TNIP1: variants seen among roughly 807,000 people sequenced by gnomAD.
The protein encoded by TNIP1 is TNFAIP3-interacting protein 1.
TNIP1 carries 22 observed loss-of-function variants against 86.6 expected under a neutral mutation model. That is an observed-to-expected ratio of 0.25 (90% CI 0.18 to 0.36). The LOEUF (loss-of-function observed/expected upper bound fraction) is 0.36. TNIP1 is among the 10% of genes least tolerant of loss of function. The probability of loss-of-function intolerance (pLI) is 1.00; values close to 1 mark genes in which losing one functional copy is unlikely to be tolerated. For missense variants in TNIP1, 709 were observed against 820.6 expected (o/e 0.86, Z 1.66); for synonymous variants, 294 against 313.0 (o/e 0.94, Z 0.64).
At chr5:151,057,879 T>C (rs1760887231) in intron 5 of TNIP1, among the ~76,000 whole-genome samples, 1 of 152,208 alleles carries the variant, frequency 6.6e-6, no homozygotes, top group Non-Finnish European at 1.5e-5. Context: ...GTATAGGTTA[T>C]AGGGAACTAC....
intron 6 of TNIP1, among the ~76,000 whole-genome samples, chr5:151,053,210 A>G (rs574020688): frequency 9.3e-5 from 14 of 150,196 alleles, no homozygotes; most frequent in African/African-American, 3.4e-4. Context: ...CCCAGGTTCA[A>G]GAGATTCTCC....
chr5:151,037,812 G>C (rs1346773727), intron 12 of TNIP1, among the ~76,000 whole-genome samples: 1 of 152,160 alleles, frequency 6.6e-6, no homozygotes, highest in Non-Finnish European at 1.5e-5. Context: ...CTTCCACCTG[G>C]TCTCCTCAGC....
chr5:151,052,772 C>CCG (rs1760122424), intron 6 of TNIP1, among the ~76,000 whole-genome samples: 1 of 144,768 alleles, frequency 6.9e-6, no homozygotes, highest in African/African-American at 2.9e-5. Flanking sequence ...TTAATATCTA[C>CCG]CCCCTTACCC....
intron 16 of TNIP1, 96 bp from the exon 17 acceptor site, chr5:151,032,479 G>T: frequency 8.2e-7 from 1 of 1,224,224 alleles, no homozygotes; most frequent in South Asian, 1.3e-5. Flanking sequence ...TATTAGTCAA[G>T]TATAATTGAA....
upstream of TNIP1, among the ~76,000 whole-genome samples, chr5:151,085,709 G>A (rs1026924002): frequency 2.0e-5 from 3 of 152,116 alleles, no homozygotes; most frequent in Non-Finnish European, 4.4e-5. Flanking sequence ...TGGCCTCTCC[G>A]TCTCCAGGTC....
chr5:151,080,282 T>G (rs1763856110), intron 1 of TNIP1: 1 of 152,252 alleles, frequency 6.6e-6, no homozygotes, highest in Non-Finnish European at 1.5e-5. Flanking sequence ...GTAGGAACTC[T>G]GGAGCCAAAT....
intron 7 of TNIP1, among the ~76,000 whole-genome samples, chr5:151,050,545 A>C (rs1472244256): frequency 6.6e-6 from 1 of 152,236 alleles, no homozygotes; most frequent in Non-Finnish European, 1.5e-5. Context: ...AGATGAATCA[A>C]ATTAAAGTAA....
intron 8 of TNIP1, among the ~76,000 whole-genome samples, chr5:151,048,238 C>G: frequency 6.6e-6 from 1 of 152,208 alleles, no homozygotes; most frequent in East Asian, 1.9e-4. Context: ...TGAACCTCCG[C>G]GAGGGAGAGA....
chr5:151,031,698 C>G (rs1756918917), intron 17 of TNIP1, among the ~76,000 whole-genome samples: 1 of 152,210 alleles, frequency 6.6e-6, no homozygotes, highest in Admixed American at 6.5e-5. Flanking sequence ...CTCTCTTTCC[C>G]TACCTTGTTC....
upstream of TNIP1, among the ~76,000 whole-genome samples, chr5:151,082,682 GCAGA>G (rs1764111217): frequency 6.6e-6 from 1 of 152,190 alleles, no homozygotes; most frequent in Non-Finnish European, 1.5e-5. Flanking sequence ...CCTTAGCCGG[GCAGA>G]CAGTTTCATT....
chr5:151,034,734 A>ACGGAAGGCTCATACACGGC (rs1214308509), intron 15 of TNIP1: 2 of 471,204 alleles, frequency 4.2e-6, no homozygotes, highest in Non-Finnish European at 7.8e-6. Context: ...ATACATGGGC[A>ACGGAAGGCTCATACACGGC]CGGAAGGCTC....
At chr5:151,052,765 A>G (rs1200174857) in intron 6 of TNIP1, among the ~76,000 whole-genome samples, 2 of 151,670 alleles carry the variant, frequency 1.3e-5, no homozygotes, top group East Asian at 1.9e-4. Flanking sequence ...TGTTTTCTTA[A>G]TATCTACCCC....
At chr5:151,079,650 C>T (rs960261024) in intron 1 of TNIP1, among the ~76,000 whole-genome samples, 2 of 151,758 alleles carry the variant, frequency 1.3e-5, no homozygotes, top group South Asian at 2.1e-4. Flanking sequence ...AAATGAGATA[C>T]GGAATGTAAG....
upstream of TNIP1, among the ~76,000 whole-genome samples, chr5:151,083,697 T>A (rs986178045): frequency 2.6e-5 from 4 of 152,222 alleles, no homozygotes; most frequent in African/African-American, 9.6e-5. Context: ...CTCGATCTCC[T>A]TTCTGCTACT....
intron 12 of TNIP1, among the ~76,000 whole-genome samples, chr5:151,037,750 G>T (rs1281082030): frequency 6.6e-6 from 1 of 152,130 alleles, no homozygotes; most frequent in Non-Finnish European, 1.5e-5. Context: ...CATCGCCCAT[G>T]GGCCTCCCTG....
intron 8 of TNIP1, among the ~76,000 whole-genome samples, chr5:151,047,976 A>G (rs1368463994): frequency 6.6e-6 from 1 of 152,166 alleles, no homozygotes; most frequent in African/African-American, 2.4e-5. Context: ...TGCACCCCCA[A>G]GTGGCTTCAG....
At chr5:151,048,874 G>A (rs919346029) in intron 8 of TNIP1, among the ~76,000 whole-genome samples, 4 of 152,160 alleles carry the variant, frequency 2.6e-5, no homozygotes, top group African/African-American at 4.8e-5. Flanking sequence ...TTCCCTGGCC[G>A]TACCCTACAT....
intron 6 of TNIP1, 47 bp downstream of exon 6, chr5:151,056,719 G>A (rs375413577): frequency 3.4e-5 from 49 of 1,430,960 alleles, no homozygotes; most frequent in Non-Finnish European, 4.2e-5. Flanking sequence ...AGAGCTCGGG[G>A]GGAAGCACGC....
intron 1 of TNIP1, among the ~76,000 whole-genome samples, chr5:151,067,605 G>C (rs1421863434): frequency 6.6e-6 from 1 of 152,200 alleles, no homozygotes; most frequent in African/African-American, 2.4e-5. Flanking sequence ...CCACATGAAG[G>C]CATGGGGAAT....
Sources: gnomAD v4.1 joint callset for allele counts (sites outside exome capture counted in the v4.1 genomes callset) on GRCh38, gnomAD v4.1.1 for gene constraint, MANE v1.5 for transcripts, NCBI Gene and HGNC (gene_info 2026-07-23, HGNC 2026-07-21) for gene names.